NRXN3: variants seen among roughly 807,000 people sequenced by gnomAD.
NRXN3 encodes neurexin III.
NRXN3 carries 32 observed loss-of-function variants against 137.6 expected under a neutral mutation model. That is an observed-to-expected ratio of 0.23 (90% CI 0.18 to 0.31). NRXN3 has a LOEUF of 0.31. Among genes scored for constraint, NRXN3 ranks in the 10% least tolerant of loss-of-function variants. NRXN3 has a pLI of 1.00. For synonymous variants in NRXN3, 798 were observed against 784.5 expected (o/e 1.02, Z -0.29); for missense variants, 1,574 against 2,062.5 (o/e 0.76, Z 4.59).
intron 11 of NRXN3, among the ~76,000 whole-genome samples, chr14:78,961,749 A>G (rs1490463821): frequency 6.6e-6 from 1 of 152,230 alleles, no homozygotes; most frequent in Non-Finnish European, 1.5e-5. Flanking sequence ...CAGGCAGTAC[A>G]GCCCTGGACT....
At position 79,734,642 on chromosome 14, in the gene NRXN3, A is replaced by AT. The variant is rs760091210; in HGVS notation, c.4014+36706dup. Among the ~76,000 whole-genome samples, 15 of 152,254 alleles carry AT rather than the reference A, an allele frequency of 9.9e-5. No homozygotes were observed. The East Asian group carries it at 2.9e-3, about 29-fold the overall frequency. On this transcript the variant is annotated intron_variant, in intron 19 of 20. Coordinates refer to ENST00000335750, the MANE Select transcript of NRXN3 (RefSeq NM_001330195.2). ...TAACCCCTATTTTTGGTGTATCTCT[A>AT]TGCAGGCAAATATACTGATGATGAT...
intron 1 of NRXN3, among the ~76,000 whole-genome samples, chr14:78,214,561 C>G (rs2063068749): frequency 6.6e-6 from 1 of 152,160 alleles, no homozygotes; most frequent in African/African-American, 2.4e-5. Context: ...GATGCTTAGT[C>G]ATGATGTTTT....
At chr14:79,751,780 A>C (rs1304994010) in intron 19 of NRXN3, among the ~76,000 whole-genome samples, 1 of 151,870 alleles carries the variant, frequency 6.6e-6, no homozygotes, top group Non-Finnish European at 1.5e-5. Flanking sequence ...TTTTAGCATG[A>C]AGGGCTGTTG....
At chr14:78,437,181 C>T (rs750698530) in intron 4 of NRXN3, among the ~76,000 whole-genome samples, 2 of 152,082 alleles carry the variant, frequency 1.3e-5, no homozygotes, top group Non-Finnish European at 2.9e-5. Context: ...TATTATTACC[C>T]TTATACTTTA....
At chr14:79,579,230 A>T (rs1602387865) in intron 16 of NRXN3, among the ~76,000 whole-genome samples, 1 of 151,536 alleles carries the variant, frequency 6.6e-6, no homozygotes, top group East Asian at 1.9e-4. Context: ...CTAAGGAATG[A>T]CCAAATTGAA....
chr14:78,703,438 C>T (rs934628652), intron 6 of NRXN3, among the ~76,000 whole-genome samples: 5 of 152,058 alleles, frequency 3.3e-5, no homozygotes, highest in Admixed American at 1.3e-4. Flanking sequence ...TGAGTAGGAA[C>T]GTTATGCAAT....
chr14:78,966,236 C>T lies in NRXN3; in HGVS notation c.2607C>T (p.Ile869=), dbSNP rs760809760. Residue 869 remains isoleucine, a synonymous_variant, in exon 12 of 21, where the codon ATC becomes ATT. Transcript: ENST00000335750. ...LKARFGLRNI[I]ADPVTFKTKS... ...CTCGTTTTGGACTGAGGAACATCAT[C>T]GCTGACCCTGTCACCTTTAAGACCA... is the stretch of plus-strand genomic sequence containing the variant. 67 of 1,614,080 alleles carry T rather than the reference C, an allele frequency of 4.2e-5. No individual in the cohort carries two copies. Among genetic ancestry groups the T allele is most frequent in the Non-Finnish European group, 5.5e-5 (65 of 1,180,046 alleles).
intron 7 of NRXN3, among the ~76,000 whole-genome samples, chr14:78,713,794 A>G (rs1047611361): frequency 1.3e-5 from 2 of 152,174 alleles, no homozygotes; most frequent in African/African-American, 4.8e-5. Flanking sequence ...AAACCATCAG[A>G]TCTTGTGAGA....
At chr14:79,407,209 C>T (rs1038297480) in intron 15 of NRXN3, among the ~76,000 whole-genome samples, 4 of 152,150 alleles carry the variant, frequency 2.6e-5, no homozygotes, top group Non-Finnish European at 4.4e-5. Flanking sequence ...CCATATTTGA[C>T]TTTCTGTCTC....
At chr14:78,922,629 A>G (rs986852407) in intron 10 of NRXN3, among the ~76,000 whole-genome samples, 2 of 152,236 alleles carry the variant, frequency 1.3e-5, no homozygotes, top group African/African-American at 4.8e-5. Context: ...GTTCTCACTC[A>G]TAAATGGGAG....
intron 19 of NRXN3, among the ~76,000 whole-genome samples, chr14:79,801,263 T>C (rs1462941231): frequency 2.0e-5 from 3 of 152,192 alleles, no homozygotes; most frequent in Non-Finnish European, 4.4e-5. Flanking sequence ...GAATGATTGT[T>C]TAAGCTCTTT....
intron 19 of NRXN3, among the ~76,000 whole-genome samples, chr14:79,752,659 C>T (rs1359241824): frequency 6.6e-6 from 1 of 152,092 alleles, no homozygotes; most frequent in Non-Finnish European, 1.5e-5. Context: ...TAGGCATGGG[C>T]AAGGACTTCA....
intron 4 of NRXN3, among the ~76,000 whole-genome samples, chr14:78,331,555 A>G (rs2080822299): frequency 6.6e-6 from 1 of 152,192 alleles, no homozygotes; most frequent in African/African-American, 2.4e-5. Context: ...TGTTTACCAA[A>G]TCTTTGAAAC....
At chr14:79,208,439 C>T (rs1228513162) in intron 15 of NRXN3, among the ~76,000 whole-genome samples, 1 of 152,184 alleles carries the variant, frequency 6.6e-6, no homozygotes, top group African/African-American at 2.4e-5. Context: ...AATAACATCT[C>T]ACACTAAGAA....
At chr14:78,916,573 A>C (rs1169406677) in intron 10 of NRXN3, among the ~76,000 whole-genome samples, 1 of 152,172 alleles carries the variant, frequency 6.6e-6, no homozygotes, top group Admixed American at 6.5e-5. Context: ...TGGATGGAGA[A>C]TACAAAACCA....
intron 10 of NRXN3, among the ~76,000 whole-genome samples, chr14:78,924,719 T>A (rs971314931): frequency 1.3e-5 from 2 of 152,184 alleles, no homozygotes; most frequent in African/African-American, 2.4e-5. Flanking sequence ...GTCTAAAGAT[T>A]TGAAATTTAA....
At chr14:78,580,700 T>C (rs2096985163) in intron 4 of NRXN3, among the ~76,000 whole-genome samples, 2 of 152,206 alleles carry the variant, frequency 1.3e-5, no homozygotes. Flanking sequence ...TCTCAAATAG[T>C]GTCCTTCTGC....
chr14:79,669,567 A>C (rs1350732864), intron 17 of NRXN3, among the ~76,000 whole-genome samples: 1 of 152,130 alleles, frequency 6.6e-6, no homozygotes, highest in African/African-American at 2.4e-5. Context: ...AATGTTTTAA[A>C]AGAATGTTTT....
intron 19 of NRXN3, among the ~76,000 whole-genome samples, chr14:79,702,637 T>C (rs1185494668): frequency 1.3e-5 from 2 of 151,878 alleles, no homozygotes; most frequent in Non-Finnish European, 2.9e-5. Flanking sequence ...GGGTCCAGAA[T>C]CAAAATCTTG....
Sources: gnomAD v4.1 joint callset for allele counts (sites outside exome capture counted in the v4.1 genomes callset) on GRCh38, gnomAD v4.1.1 for gene constraint, MANE v1.5 for transcripts, NCBI Gene and HGNC (gene_info 2026-07-23, HGNC 2026-07-21) for gene names.